Variants in ADAMTS17 observed in about 807,000 individuals in gnomAD.
ADAMTS17 encodes A disintegrin and metalloproteinase with thrombospondin motifs 17.
ADAMTS17 carries 113 observed loss-of-function variants against 141.5 expected under a neutral mutation model. The ratio of observed to expected loss-of-function variants is 0.80; its 90% CI spans 0.69 to 0.93. The LOEUF is 0.93. Ranked by LOEUF, ADAMTS17 falls within the 40% of genes least tolerant of loss-of-function variation. ADAMTS17 has a pLI of 0.00. For missense variants in ADAMTS17, 1,659 were observed against 1,517.9 expected (o/e 1.09, Z -1.54); for synonymous variants, 768 against 630.6 (o/e 1.22, Z -3.27).
chr15:100,081,518 A>G (rs1300689901), intron 15 of ADAMTS17, among the ~76,000 whole-genome samples: 1 of 152,218 alleles, frequency 6.6e-6, no homozygotes, highest in Non-Finnish European at 1.5e-5. Flanking sequence ...TGTGAATTCT[A>G]TCTTTATAAA....
chr15:100,036,076 T>C (rs1383466563), intron 18 of ADAMTS17, among the ~76,000 whole-genome samples: 1 of 152,058 alleles, frequency 6.6e-6, no homozygotes, highest in African/African-American at 2.4e-5. Flanking sequence ...CGGGATGGCT[T>C]TTCTATGAGG....
intron 7 of ADAMTS17, among the ~76,000 whole-genome samples, chr15:100,249,978 G>A (rs2043104065): frequency 6.6e-6 from 1 of 152,330 alleles, no homozygotes; most frequent in Non-Finnish European, 1.5e-5. Context: ...TTCAAGAGTA[G>A]AGGGATGGGA....
At chr15:100,171,112 G>A (rs116078097) in intron 8 of ADAMTS17, among the ~76,000 whole-genome samples, 20 of 152,174 alleles carry the variant, frequency 1.3e-4, no homozygotes, top group African/African-American at 4.8e-4. Flanking sequence ...ACCCTTCAAA[G>A]GCCAGTTGGA....
At chr15:100,063,819 A>G in intron 15 of ADAMTS17, 2 of 1,202,298 alleles carry the variant, frequency 1.7e-6, no homozygotes, top group Admixed American at 2.3e-5. Flanking sequence ...GAGGCCGTGC[A>G]GCATCCCCCG....
chr15:100,000,869 G>C (rs1261608903), intron 18 of ADAMTS17, among the ~76,000 whole-genome samples: 2 of 152,150 alleles, frequency 1.3e-5, no homozygotes, highest in Non-Finnish European at 2.9e-5. Flanking sequence ...AAGAGACATA[G>C]TCTCAAATAA....
intron 7 of ADAMTS17, among the ~76,000 whole-genome samples, chr15:100,224,991 ATCCACGAGGCTGCC>A (rs1204516054): frequency 2.6e-5 from 4 of 152,236 alleles, no homozygotes; most frequent in Non-Finnish European, 5.9e-5. Context: ...TGTGTCATGG[ATCCACGAGGCTGCC>A]TTGCTCATCA....
chr15:100,048,998 A>T lies in ADAMTS17; in HGVS notation c.2456-6T>A, dbSNP rs568976724. 1.2e-5 allele frequency: 19 copies of T among 1,614,184 alleles called. 1 individual carries two copies. The Admixed American group carries it at 3.0e-4, about 25-fold the overall frequency. The stretch of plus-strand genomic sequence containing the variant: ...GACGATGGTTCTGCGCTCCCCTGGA[A>T]ACCAAACCACAGGGAGCTGAGAGAC... On this transcript the variant is annotated splice_polypyrimidine_tract_variant and splice_region_variant and intron_variant, in intron 17 of 21. Transcript: ENST00000268070.
At chr15:100,064,435 A>G (rs1242171862) in intron 15 of ADAMTS17, among the ~76,000 whole-genome samples, 2 of 152,192 alleles carry the variant, frequency 1.3e-5, no homozygotes, top group African/African-American at 4.8e-5. Context: ...TTCTGCGAGA[A>G]TGGCACCTCC....
chr15:100,190,300 C>T (rs1240806753), intron 8 of ADAMTS17, among the ~76,000 whole-genome samples: 5 of 152,228 alleles, frequency 3.3e-5, no homozygotes, highest in Non-Finnish European at 5.9e-5. Flanking sequence ...CTCCCAGACC[C>T]CCCAGCCCTT....
intron 7 of ADAMTS17, among the ~76,000 whole-genome samples, chr15:100,204,257 T>C (rs958064239): frequency 6.6e-6 from 1 of 152,260 alleles, no homozygotes; most frequent in Non-Finnish European, 1.5e-5. Context: ...ATAAGCCATC[T>C]GCAGCTGGTG....
intron 10 of ADAMTS17, among the ~76,000 whole-genome samples, chr15:100,135,286 CT>C (rs57372602): frequency 3.1e-3 from 444 of 144,976 alleles, no homozygotes; most frequent in African/African-American, 6.7e-3. Flanking sequence ...AAATTAACAA[CT>C]TTTTTTTTTT....
chr15:100,332,354 G>A (rs1171989348), intron 2 of ADAMTS17, among the ~76,000 whole-genome samples: 5 of 152,216 alleles, frequency 3.3e-5, no homozygotes, highest in East Asian at 1.9e-4. Context: ...ATGCGGCCTC[G>A]GTGCAGAACA....
intron 3 of ADAMTS17, among the ~76,000 whole-genome samples, chr15:100,289,475 A>C (rs1021636175): frequency 6.6e-6 from 1 of 152,088 alleles, no homozygotes; most frequent in Admixed American, 6.6e-5. Flanking sequence ...ACTCCTCCCT[A>C]ACTCATTCTA....
chr15:100,201,260 A>G (rs148782137), intron 7 of ADAMTS17, among the ~76,000 whole-genome samples: 99 of 152,250 alleles, frequency 6.5e-4, no homozygotes, highest in African/African-American at 2.1e-3. Flanking sequence ...AGTTTCCCCC[A>G]CGCCGTTCTT....
intron 20 of ADAMTS17, among the ~76,000 whole-genome samples, chr15:99,983,403 C>A (rs1027369456): frequency 6.6e-6 from 1 of 152,170 alleles, no homozygotes; most frequent in Non-Finnish European, 1.5e-5. Context: ...CTGCCCCCCA[C>A]CTGCCCGTAC....
Position 100,082,280 on chromosome 15 carries a change from G to T in ADAMTS17, c.2137+14076C>A, listed in dbSNP as rs140917638. Among the ~76,000 whole-genome samples, 1,111 of 152,220 alleles carry T rather than the reference G, an allele frequency of 7.3e-3. 12 individuals carry two copies. The highest frequency in any genetic ancestry group is 0.026 in the African/African-American group (1,063 of 41,526). ...GGGGTTTTACCATGTTAGCCAGGAT[G>T]GTCTCCATCTCTTGACCTCATGATC... is the stretch of plus-strand genomic sequence containing the variant. On this transcript the variant is annotated intron_variant, in intron 15 of 21. Transcript: ENST00000268070.
At chr15:100,064,287 G>A (rs1465398635) in intron 15 of ADAMTS17, among the ~76,000 whole-genome samples, 1 of 152,186 alleles carries the variant, frequency 6.6e-6, no homozygotes, top group Non-Finnish European at 1.5e-5. Context: ...GTGACCTGCA[G>A]AAGGAACCAA....
intron 18 of ADAMTS17, among the ~76,000 whole-genome samples, chr15:100,046,981 T>A (rs1262724248): frequency 1.3e-5 from 2 of 152,122 alleles, no homozygotes; most frequent in African/African-American, 2.4e-5. Context: ...CTTTTCTTTC[T>A]AAAGCAAACG....
At chr15:100,099,928 G>C (rs2035993660) in intron 14 of ADAMTS17, among the ~76,000 whole-genome samples, 1 of 152,196 alleles carries the variant, frequency 6.6e-6, no homozygotes, top group Admixed American at 6.5e-5. Flanking sequence ...TCTGAGTCCT[G>C]GATTCCACCC....
Sources: allele counts gnomAD v4.1 joint callset (sites outside exome capture counted in the v4.1 genomes callset), GRCh38; gene constraint gnomAD v4.1.1; transcripts MANE v1.5; gene names NCBI Gene and HGNC (gene_info 2026-07-23, HGNC 2026-07-21).